The following DAB1 variants were observed in gnomAD, a reference collection of about 807,000 sequenced individuals.
DAB1 encodes the protein DAB adaptor protein 1.
DAB1 carries 15 observed loss-of-function variants against 64.6 expected under a neutral mutation model. The ratio of observed to expected loss-of-function variants is 0.23; its 90% CI spans 0.16 to 0.36. The LOEUF is 0.36. Among genes scored for constraint, DAB1 ranks in the 10% least tolerant of loss-of-function variants. DAB1 has a pLI of 1.00. For synonymous variants in DAB1, 235 were observed against 251.9 expected, an observed-to-expected ratio of 0.93 and a Z score of 0.64; for missense variants, 596 against 706.7, an observed-to-expected ratio of 0.84 and a Z score of 1.78.
intron 12 of DAB1, among the ~76,000 whole-genome samples, chr1:57,012,547 A>G (rs1381275833): frequency 6.6e-6 from 1 of 152,198 alleles, no homozygotes; most frequent in East Asian, 1.9e-4. Flanking sequence ...TTTTGATCCA[A>G]CCAATCCTCT....
intron 6 of DAB1, among the ~76,000 whole-genome samples, chr1:57,651,414 A>C (rs886831829): frequency 6.6e-6 from 1 of 152,190 alleles, no homozygotes; most frequent in Non-Finnish European, 1.5e-5. Flanking sequence ...AAGGGAAAAA[A>C]AGTTACAGGA....
At chr1:58,377,377 G>T (rs377524987) in intron 3 of DAB1, among the ~76,000 whole-genome samples, 1 of 137,836 alleles carries the variant, frequency 7.3e-6, no homozygotes, top group African/African-American at 2.7e-5. Flanking sequence ...CAGGCCTGGT[G>T]GTGACAAAAT....
intron 5 of DAB1, among the ~76,000 whole-genome samples, chr1:58,016,626 T>A (rs1287348167): frequency 6.6e-6 from 1 of 152,092 alleles, no homozygotes; most frequent in Non-Finnish European, 1.5e-5. Context: ...ACTTAGCAAA[T>A]GCCACCATCA....
At chr1:57,035,010 T>C (rs1463709006) in intron 9 of DAB1, among the ~76,000 whole-genome samples, 1 of 152,172 alleles carries the variant, frequency 6.6e-6, no homozygotes, top group Non-Finnish European at 1.5e-5. Flanking sequence ...CACCAGCCCA[T>C]GGTTCAACAT....
chr1:57,080,328 G>A (rs1296391038), intron 4 of DAB1, among the ~76,000 whole-genome samples: 1 of 152,058 alleles, frequency 6.6e-6, no homozygotes, highest in African/African-American at 2.4e-5. Context: ...CTGTGTCCAG[G>A]TCTCTCTCTG....
intron 4 of DAB1, among the ~76,000 whole-genome samples, chr1:58,326,877 C>G (rs1252789168): frequency 6.6e-6 from 1 of 152,164 alleles, no homozygotes; most frequent in East Asian, 1.9e-4. Flanking sequence ...AGATCCCTGG[C>G]AAGTAAGACA....
intron 5 of DAB1, among the ~76,000 whole-genome samples, chr1:58,122,430 A>G (rs1652808332): frequency 6.6e-6 from 1 of 152,134 alleles, no homozygotes; most frequent in Non-Finnish European, 1.5e-5. Flanking sequence ...ACTTTAAAAC[A>G]TAGAGGAACT....
intron 1 of DAB1, among the ~76,000 whole-genome samples, chr1:57,882,209 T>G (rs916176210): frequency 6.6e-6 from 1 of 152,164 alleles, no homozygotes; most frequent in African/African-American, 2.4e-5. Flanking sequence ...ACCTCTCTCC[T>G]TTAGAGGAGT....
intron 4 of DAB1, among the ~76,000 whole-genome samples, chr1:58,305,999 C>T (rs1278734159): frequency 1.3e-5 from 2 of 151,560 alleles, no homozygotes; most frequent in Non-Finnish European, 2.9e-5. Context: ...CCCCTCCACA[C>T]ACATTATAGT....
chr1:58,088,843 C>T (rs1650473998), intron 5 of DAB1, among the ~76,000 whole-genome samples: 1 of 152,096 alleles, frequency 6.6e-6, no homozygotes, highest in Non-Finnish European at 1.5e-5. Flanking sequence ...GTGATAACAC[C>T]ATGAGAAAAG....
At chr1:57,560,049 T>G (rs536400487) in intron 7 of DAB1, among the ~76,000 whole-genome samples, 72 of 152,352 alleles carry the variant, frequency 4.7e-4, no homozygotes, top group Admixed American at 1.1e-3. Context: ...AGATGTGGTT[T>G]CATTGCTTGA....
At chr1:57,225,904 T>A (rs1161567186) in intron 2 of DAB1, among the ~76,000 whole-genome samples, 2 of 150,576 alleles carry the variant, frequency 1.3e-5, no homozygotes, top group Non-Finnish European at 2.9e-5. Flanking sequence ...TGTAAAAAAA[T>A]TTACATATCA....
chr1:58,232,824 C>T (rs985832417), intron 4 of DAB1, among the ~76,000 whole-genome samples: 4 of 152,146 alleles, frequency 2.6e-5, no homozygotes, highest in East Asian at 1.9e-4. Flanking sequence ...ATCACCTTCT[C>T]GGAGCAACCA....
chr1:57,967,600 G>C (rs776718616), intron 5 of DAB1, among the ~76,000 whole-genome samples: 2 of 152,182 alleles, frequency 1.3e-5, no homozygotes, highest in African/African-American at 4.8e-5. Flanking sequence ...GATTCAGACA[G>C]AGCAGTGTGG....
intron 6 of DAB1, among the ~76,000 whole-genome samples, chr1:57,718,775 C>T (rs1164060609): frequency 5.3e-5 from 8 of 152,140 alleles, no homozygotes; most frequent in African/African-American, 1.7e-4. Context: ...TTACTCAAAT[C>T]TCCCAAATTT....
chr1:57,421,902 C>CGGGGGGGGGGGGGGGG (rs1309675216), intron 1 of DAB1, among the ~76,000 whole-genome samples: 3 of 11,718 alleles, frequency 2.6e-4, no homozygotes, highest in Non-Finnish European at 3.4e-4. Flanking sequence ...TGGGGGGTGG[C>CGGGGGGGGGGGGGGGG]GGGGGGGGGG....
In DAB1 at chr1:57,120,898, TA is replaced by T. The variant is rs1350599622; in HGVS notation, c.306+15644del. On this transcript the variant is annotated intron_variant, in intron 4 of 14. Coordinates refer to ENST00000371236, the MANE Select transcript of DAB1 (RefSeq NM_001365792.1). ...CTTCCACCTTGTACAGCACATTTAA[TA>T]AGCACTATAACAAAAGTGGCTGGTG... Among the ~76,000 whole-genome samples the T allele has an allele frequency of 2.0e-5, 3 of 152,204 alleles. No individual in the cohort carries two copies. The East Asian group carries it at 5.8e-4, about 29-fold the overall frequency.
chr1:58,432,965 T>A (rs951577342), intron 3 of DAB1, among the ~76,000 whole-genome samples: 2 of 152,222 alleles, frequency 1.3e-5, no homozygotes, highest in Admixed American at 1.3e-4. Flanking sequence ...TGCCTCAGCA[T>A]CCTGTCTGCC....
chr1:57,920,073 C>G (rs1301300751), intron 5 of DAB1, among the ~76,000 whole-genome samples: 1 of 152,146 alleles, frequency 6.6e-6, no homozygotes, highest in East Asian at 1.9e-4. Flanking sequence ...TAGTTAGAGG[C>G]AGGCAGTATT....
Sources: gnomAD v4.1 joint callset for allele counts (sites outside exome capture counted in the v4.1 genomes callset) on GRCh38, gnomAD v4.1.1 for gene constraint, MANE v1.5 for transcripts, NCBI Gene and HGNC (gene_info 2026-07-23, HGNC 2026-07-21) for gene names.